SOCS5: variants seen among roughly 807,000 people sequenced by gnomAD.
SOCS5 encodes suppressor of cytokine signaling 5, also known as CIS-6.
Under a neutral mutation model 42.8 loss-of-function variants are expected in SOCS5, and 32 were observed. The observed-to-expected ratio is 0.75, with a 90% confidence interval of 0.56 to 1.01. SOCS5 has a LOEUF of 1.01. SOCS5 is among the 50% of genes least tolerant of loss of function. SOCS5 has a pLI of 0.00. For synonymous variants in SOCS5, 283 were observed against 229.6 expected (o/e 1.23, Z -2.10); for missense variants, 627 against 653.0 (o/e 0.96, Z 0.43).
chr2:46,728,660 A>G (rs1246919746), intron 1 of SOCS5, among the ~76,000 whole-genome samples: 4 of 152,160 alleles, frequency 2.6e-5, no homozygotes, highest in Non-Finnish European at 5.9e-5. Flanking sequence ...GGTTCAAACC[A>G]TTCTCCTGCC....
intron 1 of SOCS5, among the ~76,000 whole-genome samples, chr2:46,744,430 A>G (rs1442780925): frequency 2.0e-5 from 3 of 151,958 alleles, no homozygotes; most frequent in Non-Finnish European, 2.9e-5. Flanking sequence ...AACCACATAT[A>G]TATCTTTGTG....
intron 1 of SOCS5, among the ~76,000 whole-genome samples, chr2:46,706,890 A>G (rs1178754607): frequency 6.6e-6 from 1 of 152,234 alleles, no homozygotes; most frequent in Non-Finnish European, 1.5e-5. Flanking sequence ...TTTCCTCAAA[A>G]TTGAGATAAA....
chr2:46,747,128 C>G (rs956133300), intron 1 of SOCS5, among the ~76,000 whole-genome samples: 1 of 151,966 alleles, frequency 6.6e-6, no homozygotes, highest in Admixed American at 6.6e-5. Context: ...TTTTTAATTT[C>G]TTCTTGAGTC....
At chr2:46,733,539 G>A (rs1320244797) in intron 1 of SOCS5, among the ~76,000 whole-genome samples, 2 of 145,558 alleles carry the variant, frequency 1.4e-5, no homozygotes, top group African/African-American at 5.2e-5. Flanking sequence ...CACCAGCCTA[G>A]GTGACACAGT....
At chr2:46,710,630 C>T (rs766831039) in intron 1 of SOCS5, among the ~76,000 whole-genome samples, 4 of 152,130 alleles carry the variant, frequency 2.6e-5, no homozygotes, top group Admixed American at 6.5e-5. Context: ...TGATAAAGGG[C>T]ATCTATTAAA....
Position 46,713,612 on chromosome 2 carries a change from C to T in SOCS5, c.-13+14163C>T, listed in dbSNP as rs547144162. On this transcript the variant is annotated intron_variant, in intron 1 of 1. Transcript: ENST00000394861. ...TTCATAAATCCTTTCAAAGAACCAA[C>T]TTTTGACATTGCTTTTTCTCTGTGG... Among the ~76,000 whole-genome samples, 64 of 152,076 alleles carry T rather than the reference C, an allele frequency of 4.2e-4. 1 individual carries two copies. Among genetic ancestry groups the T allele is most frequent in the African/African-American group, 1.5e-3 (63 of 41,506 alleles).
At chr2:46,746,922 CTTTTTTTTTTTTTT>C (rs11373537) in intron 1 of SOCS5, among the ~76,000 whole-genome samples, 2 of 70,792 alleles carry the variant, frequency 2.8e-5, no homozygotes, top group South Asian at 1.3e-3. Flanking sequence ...GACTTTATTT[CTTTTTTTTTTTTTT>C]TTTTTTTGCC....
chr2:46,701,491 G>T (rs761280605), intron 1 of SOCS5, among the ~76,000 whole-genome samples: 3 of 152,146 alleles, frequency 2.0e-5, no homozygotes, highest in Non-Finnish European at 4.4e-5. Context: ...GGCCAGGATT[G>T]GTGGGCAGGT....
At chr2:46,724,900 A>G (rs950005614) in intron 1 of SOCS5, among the ~76,000 whole-genome samples, 4 of 151,696 alleles carry the variant, frequency 2.6e-5, no homozygotes, top group Non-Finnish European at 4.4e-5. Context: ...ATGGTGTTCT[A>G]TCTTCTGGTT....
chr2:46,710,163 T>A (rs1672585595), intron 1 of SOCS5, among the ~76,000 whole-genome samples: 1 of 152,210 alleles, frequency 6.6e-6, no homozygotes, highest in Non-Finnish European at 1.5e-5. Flanking sequence ...TTATTTATTT[T>A]TTATGTAGCA....
intron 1 of SOCS5, among the ~76,000 whole-genome samples, chr2:46,711,586 G>T (rs1379701836): frequency 1.3e-5 from 2 of 152,154 alleles, no homozygotes; most frequent in Non-Finnish European, 2.9e-5. Flanking sequence ...CATTGTTTTG[G>T]TGGCATCTTT....
chr2:46,733,913 T>C (rs985908823), intron 1 of SOCS5, among the ~76,000 whole-genome samples: 1 of 152,364 alleles, frequency 6.6e-6, no homozygotes, highest in East Asian at 1.9e-4. Context: ...CCTACAGTTT[T>C]CTAGTTAATA....
chr2:46,716,436 G>C (rs1031595346), intron 1 of SOCS5, among the ~76,000 whole-genome samples: 1 of 136,618 alleles, frequency 7.3e-6, no homozygotes, highest in African/African-American at 2.8e-5. Flanking sequence ...TGTCCTGGCA[G>C]GCAGTTTATT....
intron 1 of SOCS5, among the ~76,000 whole-genome samples, chr2:46,742,679 T>C (rs891063995): frequency 6.6e-6 from 1 of 152,110 alleles, no homozygotes; most frequent in Non-Finnish European, 1.5e-5. Context: ...TACTTCTTTT[T>C]TTTTGAGACA....
chr2:46,751,804 C>G (rs1160671027), intron 1 of SOCS5, among the ~76,000 whole-genome samples: 1 of 151,832 alleles, frequency 6.6e-6, no homozygotes, highest in Non-Finnish European at 1.5e-5. Flanking sequence ...GGTTGGCAAA[C>G]TATGGCGTAT....
chr2:46,747,303 C>T (rs879177614), intron 1 of SOCS5, among the ~76,000 whole-genome samples: 5 of 152,076 alleles, frequency 3.3e-5, no homozygotes, highest in Non-Finnish European at 4.4e-5. Flanking sequence ...TCACTGCAGC[C>T]TTTACCTCCT....
At chr2:46,724,084 C>G (rs1672942001) in intron 1 of SOCS5, among the ~76,000 whole-genome samples, 1 of 151,896 alleles carries the variant, frequency 6.6e-6, no homozygotes, top group Non-Finnish European at 1.5e-5. Flanking sequence ...ATATGATTGA[C>G]TTTTGTGTGT....
At chr2:46,728,845 C>T (rs1375862000) in intron 1 of SOCS5, among the ~76,000 whole-genome samples, 3 of 152,198 alleles carry the variant, frequency 2.0e-5, no homozygotes, top group African/African-American at 7.2e-5. Flanking sequence ...GCATGAGCCA[C>T]CACGCTGGCC....
intron 1 of SOCS5, among the ~76,000 whole-genome samples, chr2:46,726,998 C>T (rs983779041): frequency 1.5e-4 from 23 of 152,048 alleles, no homozygotes; most frequent in East Asian, 5.8e-4. Flanking sequence ...TCAGGTGATC[C>T]GCCCACCTCA....
Sources: gnomAD v4.1 joint callset for allele counts (sites outside exome capture counted in the v4.1 genomes callset) on GRCh38, gnomAD v4.1.1 for gene constraint, MANE v1.5 for transcripts, NCBI Gene and HGNC (gene_info 2026-07-23, HGNC 2026-07-21) for gene names.